TLN2: variants seen among roughly 807,000 people sequenced by gnomAD.
TLN2 encodes talin-2.
A neutral mutation model predicts 294.7 loss-of-function variants in TLN2; 118 were observed. The observed-to-expected ratio is 0.40, with a 90% confidence interval of 0.34 to 0.47. The LOEUF (loss-of-function observed/expected upper bound fraction) is 0.47. TLN2 is among the 20% of genes least tolerant of loss of function. TLN2 has a pLI of 0.84. For missense variants in TLN2, 3,083 were observed against 3,282.2 expected (o/e 0.94, Z 1.48); for synonymous variants, 1,431 against 1,304.5 (o/e 1.10, Z -2.09).
intron 1 of TLN2, among the ~76,000 whole-genome samples, chr15:62,471,619 G>A (rs2037479368): frequency 6.6e-6 from 1 of 152,176 alleles, no homozygotes; most frequent in Non-Finnish European, 1.5e-5. Context: ...AGAGTTCCCT[G>A]AGGGCAAGAA....
intron 43 of TLN2, among the ~76,000 whole-genome samples, chr15:62,779,095 G>C (rs1160655764): frequency 6.6e-6 from 1 of 152,170 alleles, no homozygotes; most frequent in Non-Finnish European, 1.5e-5. Flanking sequence ...AGTGTAGCCA[G>C]AGTTAATTCT....
chr15:62,618,399 C>G lies in TLN2; in HGVS notation c.-113C>G, dbSNP rs548564011. 14 of 152,318 alleles carry G rather than the reference C, an allele frequency of 9.2e-5. No homozygotes were observed. Among genetic ancestry groups the G allele is most frequent in the Admixed American group, 5.9e-4 (9 of 15,302 alleles). The allele number at this position is 152,318 out of a possible 1,614,324, so 9.4% of individuals were successfully genotyped here. ...CTGCACTTGTTACCCTGAGTTGATT[C>G]CTGAAACTTCGGACCCCTGGGTATT... On this transcript the variant is annotated 5_prime_UTR_variant, in exon 3 of 59. Coordinates refer to ENST00000636159, the MANE Select transcript of TLN2 (RefSeq NM_015059.3).
intron 3 of TLN2, among the ~76,000 whole-genome samples, chr15:62,626,559 C>G (rs1244037760): frequency 6.6e-6 from 1 of 152,134 alleles, no homozygotes; most frequent in Non-Finnish European, 1.5e-5. Context: ...AACATAAGAA[C>G]CTGAGACTGA....
Position 62,781,223 on chromosome 15 carries a change from G to C in TLN2, c.5598G>C (p.Ala1866=), listed in dbSNP as rs763448050. 1.2e-6 allele frequency: 2 copies of C among 1,613,964 alleles called. No individual in the cohort carries two copies. Residue 1866 remains alanine, a synonymous_variant, in exon 44 of 59, where the codon GCG becomes GCC. Coordinates refer to ENST00000636159, the MANE Select transcript of TLN2 (RefSeq NM_015059.3). ...TGGTTAAATACTCCAAAGCCATTGCGGTGACAGCTCAGGAAATGGTAAGAG... is the reference window on the plus strand; with the variant it reads ...TGGTTAAATACTCCAAAGCCATTGCCGTGACAGCTCAGGAAATGGTAAGAG... ...TTVVKYSKAI[A]VTAQEMMTKS...
At chr15:62,630,013 T>G (rs74020007) in intron 3 of TLN2, among the ~76,000 whole-genome samples, 10,975 of 152,276 alleles carry the variant, frequency 0.072, 667 homozygotes, top group African/African-American at 0.16. Context: ...GAAATTATCT[T>G]TTTTTGTTTC....
chr15:62,664,641 C>T (rs1454752867), intron 9 of TLN2, among the ~76,000 whole-genome samples: 1 of 151,700 alleles, frequency 6.6e-6, no homozygotes, highest in African/African-American at 2.4e-5. Flanking sequence ...GGTGGATCAC[C>T]TGAGGTTGGG....
At chr15:62,715,430 C>A (rs2059702428) in intron 22 of TLN2, among the ~76,000 whole-genome samples, 1 of 152,206 alleles carries the variant, frequency 6.6e-6, no homozygotes, top group Admixed American at 6.5e-5. Context: ...TGAGGGAAAT[C>A]TTGATTGCTA....
At chr15:62,604,289 G>A (rs995257326) in intron 2 of TLN2, among the ~76,000 whole-genome samples, 32 of 151,998 alleles carry the variant, frequency 2.1e-4, no homozygotes, top group African/African-American at 7.5e-4. Context: ...GCTGAGGTGG[G>A]AGGATTACTT....
intron 1 of TLN2, among the ~76,000 whole-genome samples, chr15:62,544,619 C>G (rs145812619): frequency 9.2e-5 from 14 of 152,306 alleles, no homozygotes; most frequent in Admixed American, 8.5e-4. Context: ...GAGACCGCTT[C>G]TGGCTTATCT....
chr15:62,513,379 T>A (rs2040026828), intron 1 of TLN2, among the ~76,000 whole-genome samples: 1 of 152,196 alleles, frequency 6.6e-6, no homozygotes, highest in Non-Finnish European at 1.5e-5. Context: ...TGGGAAGTGA[T>A]AGCTTTCCTG....
chr15:62,636,884 T>C (rs959733892), intron 3 of TLN2, among the ~76,000 whole-genome samples: 9 of 152,214 alleles, frequency 5.9e-5, no homozygotes, highest in Admixed American at 2.0e-4. Context: ...CGCACAGTTC[T>C]TGTCACTCAT....
At position 62,835,949 on chromosome 15, in the gene TLN2, A is replaced by G. The variant is rs868491875; in HGVS notation, c.7250A>G (p.Gln2417Arg). ...SLCEAANASV[Q>R]GHASEEKLIS... Reference sequence around the variant, plus strand: ...TGTGAGGCGGCCAATGCCTCCGTTCAGGGACACGCCAGCGAGGAGAAGCTC... The same window carrying G: ...TGTGAGGCGGCCAATGCCTCCGTTCGGGGACACGCCAGCGAGGAGAAGCTC... Residue 2417 changes from glutamine to arginine, a missense_variant, in exon 57 of 59, where the codon CAG becomes CGG. Transcript: ENST00000636159. 2 of 1,614,206 alleles carry G rather than the reference A, an allele frequency of 1.2e-6. No individual in the cohort carries two copies. The highest frequency in any genetic ancestry group is 1.7e-6 in the Non-Finnish European group (2 of 1,180,042).
chr15:62,655,089 A>C, intron 7 of TLN2, among the ~76,000 whole-genome samples: 1 of 150,126 alleles, frequency 6.7e-6, no homozygotes, highest in Admixed American at 6.6e-5. Context: ...CTTACTCCCT[A>C]ATTTGATTTG....
At position 62,732,603 on chromosome 15, in the gene TLN2, G is replaced by A. The variant is rs182894010; in HGVS notation, c.3359-4275G>A. On this transcript the variant is annotated intron_variant, in intron 28 of 58. Transcript: ENST00000636159. The stretch of plus-strand genomic sequence containing the variant: ...GTTCAGATTGCTTTTTGTATAGGTC[G>A]CCCTTCCTCCTGTGTGTAGAATGGA... 4.7e-4 allele frequency among the ~76,000 whole-genome samples: 71 copies of A among 152,282 alleles called. No individual in the cohort carries two copies. In the East Asian group the frequency reaches 0.013, roughly 27 times the overall value.
chr15:62,819,568 A>C lies in TLN2; in HGVS notation c.6824A>C (p.Lys2275Thr), dbSNP rs758094458. 6.2e-6 allele frequency: 10 copies of C among 1,613,718 alleles called. No homozygotes were observed. Among genetic ancestry groups the C allele is most frequent in the Admixed American group, 5.0e-5 (3 of 60,012 alleles). The change falls in exon 53 of 59, where the codon AAG becomes ACG. Residue 2275 changes from lysine to threonine, a missense_variant. Lys to Thr is a moderately conservative substitution (Grantham distance 78). Transcript: ENST00000636159. ...EFKQQLAAFS[K>T]RVAGAVTELI... ...AAGCAGCAGCTGGCCGCTTTCTCCAAGCGAGTCGCCGGCGCTGTGACAGAG... is the reference window on the plus strand; with the variant it reads ...AAGCAGCAGCTGGCCGCTTTCTCCACGCGAGTCGCCGGCGCTGTGACAGAG...
intron 1 of TLN2, among the ~76,000 whole-genome samples, chr15:62,564,449 G>A (rs981274120): frequency 6.6e-6 from 1 of 152,230 alleles, no homozygotes; most frequent in African/African-American, 2.4e-5. Flanking sequence ...AAAGTGGGAA[G>A]ATTTCAGAGA....
At position 62,802,332 on chromosome 15, in the gene TLN2, G is replaced by C. The variant is rs561627416; in HGVS notation, c.6477+1563G>C. Among the ~76,000 whole-genome samples, 4 of 151,496 alleles carry C rather than the reference G, an allele frequency of 2.6e-5. No individual in the cohort carries two copies. The East Asian group carries it at 5.8e-4, about 22-fold the overall frequency. ...CTATGGCTGAATAGTACTCCATTGT[G>C]TATGTGTACCACAGTAGCCAAGATT... is the stretch of plus-strand genomic sequence containing the variant. On this transcript the variant is annotated intron_variant, in intron 50 of 58. Coordinates refer to ENST00000636159, the MANE Select transcript of TLN2 (RefSeq NM_015059.3).
chr15:62,658,184 C>CTA (rs1358804782), intron 9 of TLN2: 1 of 59,974 alleles, frequency 1.7e-5, no homozygotes, highest in Non-Finnish European at 4.7e-5. Context: ...AAAAAAAAAA[C>CTA]CAAAAAAAAA....
At chr15:62,793,377 G>C (rs943687566) in intron 46 of TLN2, among the ~76,000 whole-genome samples, 5 of 152,106 alleles carry the variant, frequency 3.3e-5, no homozygotes, top group African/African-American at 1.2e-4. Flanking sequence ...TAGTGAAGAA[G>C]GCTCTAAGAT....
Sources: allele counts gnomAD v4.1 joint callset (sites outside exome capture counted in the v4.1 genomes callset), GRCh38; gene constraint gnomAD v4.1.1; transcripts MANE v1.5; gene names NCBI Gene and HGNC (gene_info 2026-07-23, HGNC 2026-07-21).